The following GABBR2 variants were observed in gnomAD, a reference collection of about 807,000 sequenced individuals.
GABBR2 encodes the protein G-protein coupled receptor 51.
GABBR2 carries 23 observed loss-of-function variants against 105.6 expected under a neutral mutation model. The ratio of observed to expected loss-of-function variants is 0.22; its 90% confidence interval spans 0.16 to 0.31. The LOEUF (loss-of-function observed/expected upper bound fraction) is 0.31. Among genes scored for constraint, GABBR2 ranks in the 10% least tolerant of loss-of-function variants. The pLI is 1.00. For synonymous variants in GABBR2, 478 were observed against 499.7 expected (o/e 0.96, Z 0.58); for missense variants, 734 against 1,245.5 (o/e 0.59, Z 6.18).
chr9:98,348,449 G>A (rs1564026536), intron 13 of GABBR2, among the ~76,000 whole-genome samples: 3 of 152,260 alleles, frequency 2.0e-5, no homozygotes, highest in Admixed American at 6.5e-5. Context: ...TTTTCAGATT[G>A]TTTTTTCTAT....
At chr9:98,354,031 T>C (rs1831446235) in intron 13 of GABBR2, among the ~76,000 whole-genome samples, 1 of 152,238 alleles carries the variant, frequency 6.6e-6, no homozygotes, top group South Asian at 2.1e-4. Flanking sequence ...CTTTCTTTTA[T>C]AAATTACCCA....
rs1564011708 is a variant in GABBR2, at chr9:98,311,198, G to T, written c.1901C>A (p.Pro634Gln). The change falls in exon 14 of 19, where the codon CCA (proline) becomes CAA (glutamine). Residue 634 changes from proline (P) to glutamine (Q), a missense_variant. Pro to Gln is a moderately conservative substitution (Grantham distance 76, BLOSUM62 -1). Coordinates refer to ENST00000259455, the MANE Select transcript of GABBR2 (RefSeq NM_005458.8). ...TVEKYSMEPD[P>Q]AGRDISIRPL... ...GCGGATGGAGATATCCCGTCCTGCT[G>T]GGTCCGGCTGTGCAAAGAGAAAACA... 6.2e-7 allele frequency: 1 copy of T among 1,609,212 alleles called. No individual in the cohort carries two copies.
At chr9:98,335,737 A>C (rs1344470010) in intron 13 of GABBR2, among the ~76,000 whole-genome samples, 1 of 152,220 alleles carries the variant, frequency 6.6e-6, no homozygotes, top group Non-Finnish European at 1.5e-5. Flanking sequence ...TCTTTTTAGT[A>C]TCAACATATT....
intron 7 of GABBR2, among the ~76,000 whole-genome samples, chr9:98,435,484 T>C (rs1375163802): frequency 6.6e-6 from 1 of 152,196 alleles, no homozygotes. Context: ...ATCACTGAGA[T>C]GGCTGATACC....
intron 13 of GABBR2, among the ~76,000 whole-genome samples, chr9:98,337,676 T>C (rs980007726): frequency 6.6e-6 from 1 of 152,176 alleles, no homozygotes; most frequent in African/African-American, 2.4e-5. Flanking sequence ...GAAATACAAG[T>C]ACACATCCAT....
intron 13 of GABBR2, among the ~76,000 whole-genome samples, chr9:98,348,548 ATTC>A (rs1308278898): frequency 1.3e-5 from 2 of 152,182 alleles, no homozygotes; most frequent in Non-Finnish European, 2.9e-5. Flanking sequence ...AACAATATTA[ATTC>A]TTCTAATCCC....
intron 2 of GABBR2, among the ~76,000 whole-genome samples, chr9:98,573,633 A>C (rs1234931690): frequency 2.0e-5 from 3 of 152,234 alleles, no homozygotes; most frequent in African/African-American, 7.2e-5. Context: ...TACATATAAA[A>C]TTTACCATCT....
At chr9:98,328,077 G>A (rs927320568) in intron 13 of GABBR2, among the ~76,000 whole-genome samples, 4 of 137,772 alleles carry the variant, frequency 2.9e-5, no homozygotes, top group African/African-American at 1.1e-4. Context: ...TTGGCTTTTA[G>A]GATAAAGTCT....
At chr9:98,305,824 A>G (rs1830542643) in intron 15 of GABBR2, among the ~76,000 whole-genome samples, 1 of 151,860 alleles carries the variant, frequency 6.6e-6, no homozygotes. Context: ...AAAAAAAGGC[A>G]TCATCTCCTA....
intron 1 of GABBR2, among the ~76,000 whole-genome samples, chr9:98,697,913 A>G (rs1280167411): frequency 6.6e-6 from 1 of 152,230 alleles, no homozygotes; most frequent in East Asian, 1.9e-4. Context: ...CCCATCTGCC[A>G]CTTACATCCC....
intron 1 of GABBR2, among the ~76,000 whole-genome samples, chr9:98,623,456 A>G (rs1372641244): frequency 6.6e-6 from 1 of 152,222 alleles, no homozygotes; most frequent in Non-Finnish European, 1.5e-5. Context: ...ATATTTTTAA[A>G]AAACATACAA....
intron 1 of GABBR2, among the ~76,000 whole-genome samples, chr9:98,707,755 C>A (rs1292106788): frequency 2.0e-5 from 3 of 152,236 alleles, no homozygotes; most frequent in Non-Finnish European, 4.4e-5. Flanking sequence ...GAGCAACTAA[C>A]CCGAGGCAGG....
chr9:98,456,139 G>A (rs1201205272), intron 6 of GABBR2, among the ~76,000 whole-genome samples: 1 of 151,960 alleles, frequency 6.6e-6, no homozygotes, highest in Non-Finnish European at 1.5e-5. Flanking sequence ...GGCTCTTGAA[G>A]CTCATAGTCA....
At chr9:98,665,335 C>G (rs1588274745) in intron 1 of GABBR2, among the ~76,000 whole-genome samples, 1 of 152,046 alleles carries the variant, frequency 6.6e-6, no homozygotes, top group Admixed American at 6.6e-5. Context: ...AGAGAACTAA[C>G]TATTGCATCT....
intron 1 of GABBR2, among the ~76,000 whole-genome samples, chr9:98,682,737 C>T (rs536581099): frequency 2.6e-5 from 4 of 152,216 alleles, no homozygotes; most frequent in Admixed American, 6.5e-5. Context: ...AAGAGCTACT[C>T]ATATTTTAAA....
At chr9:98,456,018 T>C (rs1322276347) in intron 6 of GABBR2, among the ~76,000 whole-genome samples, 2 of 151,872 alleles carry the variant, frequency 1.3e-5, no homozygotes, top group African/African-American at 4.8e-5. Context: ...GGGCAGAAAC[T>C]CCCCCCAAAT....
chr9:98,464,015 C>T (rs963602069), intron 6 of GABBR2, among the ~76,000 whole-genome samples: 1 of 152,264 alleles, frequency 6.6e-6, no homozygotes, highest in South Asian at 2.1e-4. Flanking sequence ...CTGCCTTGGC[C>T]TCCCAAAGTG....
intron 2 of GABBR2, among the ~76,000 whole-genome samples, chr9:98,554,987 C>T (rs1251597591): frequency 6.6e-6 from 1 of 152,194 alleles, no homozygotes; most frequent in African/African-American, 2.4e-5. Context: ...CAGAAGACTC[C>T]TCCAACTTTG....
chr9:98,444,617 C>T (rs1279165113), intron 7 of GABBR2, among the ~76,000 whole-genome samples: 1 of 152,146 alleles, frequency 6.6e-6, no homozygotes, highest in Non-Finnish European at 1.5e-5. Flanking sequence ...GGCAGTCACA[C>T]AGCAAGGATT....
Sources: gnomAD v4.1 joint callset for allele counts (sites outside exome capture counted in the v4.1 genomes callset) on GRCh38, gnomAD v4.1.1 for gene constraint, MANE v1.5 for transcripts, NCBI Gene and HGNC (gene_info 2026-07-23, HGNC 2026-07-21) for gene names.